RBMS3: variants seen among roughly 807,000 people sequenced by gnomAD.
RBMS3 encodes the protein RNA-binding motif, single-stranded-interacting protein 3.
Under a neutral mutation model 66.8 loss-of-function variants are expected in RBMS3, and 27 were observed. The ratio of observed to expected loss-of-function variants is 0.40; its 90% confidence interval spans 0.30 to 0.56. The LOEUF (loss-of-function observed/expected upper bound fraction) is 0.56. RBMS3 is among the 20% of genes least tolerant of loss of function. The pLI is 0.40. For missense variants in RBMS3, 513 were observed against 549.5 expected, an observed-to-expected ratio of 0.93 and a Z score of 0.66; for synonymous variants, 188 against 183.0, an observed-to-expected ratio of 1.03 and a Z score of -0.22.
rs562707611 is a variant in RBMS3 at position 29,884,170 on chromosome 3, G to A, written c.753G>A (p.Met251Ile). ...CTTCATCCTATATACAGGCTGGCAT[G>A]GCTTTGACCTATGACCCCACAGCTG... ...RPWPREGEAGMALTYDPTAAI... is the reference protein window; with the variant it reads ...RPWPREGEAGIALTYDPTAAI... The change falls in exon 8 of 15, where the codon ATG (methionine) becomes ATA (isoleucine). Residue 251 changes from methionine (M) to isoleucine (I), a missense_variant. Met to Ile is a conservative substitution (Grantham distance 10, BLOSUM62 1). Coordinates refer to ENST00000383767, the MANE Select transcript of RBMS3 (RefSeq NM_001003793.3). 1 of 1,611,892 alleles carries A rather than the reference G, an allele frequency of 6.2e-7. No individual in the cohort carries two copies.
chr3:29,877,107 T>C (rs992856500), intron 7 of RBMS3, among the ~76,000 whole-genome samples: 2 of 152,218 alleles, frequency 1.3e-5, no homozygotes, highest in Non-Finnish European at 2.9e-5. Context: ...TAATCATGCA[T>C]TGAACTTACT....
intron 4 of RBMS3, among the ~76,000 whole-genome samples, chr3:29,672,030 C>A (rs1261330544): frequency 6.6e-6 from 1 of 152,094 alleles, no homozygotes; most frequent in Non-Finnish European, 1.5e-5. Context: ...TAAGGGCAGC[C>A]AGAGAGAAAG....
At chr3:29,351,597 G>GT (rs1028488589) in intron 1 of RBMS3, among the ~76,000 whole-genome samples, 4 of 151,566 alleles carry the variant, frequency 2.6e-5, no homozygotes, top group African/African-American at 4.8e-5. Context: ...ACTTTTTTGA[G>GT]TTTTTTTTAG....
At chr3:29,475,234 T>A (rs2042902211) in intron 2 of RBMS3, among the ~76,000 whole-genome samples, 1 of 151,878 alleles carries the variant, frequency 6.6e-6, no homozygotes, top group Non-Finnish European at 1.5e-5. Context: ...TTGGCTTTAA[T>A]AAGTTTCTTT....
At chr3:29,469,622 A>G (rs1328297626) in intron 2 of RBMS3, among the ~76,000 whole-genome samples, 1 of 151,782 alleles carries the variant, frequency 6.6e-6, no homozygotes, top group Non-Finnish European at 1.5e-5. Context: ...TATGTAAGCT[A>G]TGGCTCATTT....
chr3:29,510,281 T>C (rs1001698226), intron 3 of RBMS3, among the ~76,000 whole-genome samples: 1 of 152,214 alleles, frequency 6.6e-6, no homozygotes, highest in African/African-American at 2.4e-5. Context: ...ATATGTATCT[T>C]TGACACCAAG....
intron 4 of RBMS3, among the ~76,000 whole-genome samples, chr3:29,704,725 G>A (rs80051857): frequency 0.028 from 4,253 of 152,278 alleles, 85 homozygotes; most frequent in Admixed American, 0.064. Context: ...TTGAATTGCT[G>A]TGTTGATTTC....
At chr3:29,907,287 T>A (rs1287447385) in intron 10 of RBMS3, among the ~76,000 whole-genome samples, 1 of 152,178 alleles carries the variant, frequency 6.6e-6, no homozygotes, top group African/African-American at 2.4e-5. Flanking sequence ...TAATTCATTC[T>A]CAGCTTTTCC....
intron 4 of RBMS3, among the ~76,000 whole-genome samples, chr3:29,632,466 A>G (rs1400861893): frequency 6.6e-6 from 1 of 151,928 alleles, no homozygotes; most frequent in Non-Finnish European, 1.5e-5. Flanking sequence ...TTGAAATTCT[A>G]GAAAGTTTTA....
chr3:29,711,536 A>C (rs1322042340), intron 4 of RBMS3, among the ~76,000 whole-genome samples: 1 of 152,092 alleles, frequency 6.6e-6, no homozygotes, highest in African/African-American at 2.4e-5. Context: ...GAAATTTAGA[A>C]CTTGAAGGGA....
At chr3:29,784,735 A>C (rs1288901832) in intron 6 of RBMS3, among the ~76,000 whole-genome samples, 1 of 152,140 alleles carries the variant, frequency 6.6e-6, no homozygotes, top group African/African-American at 2.4e-5. Flanking sequence ...AAGATAAATA[A>C]AACAAAAAGC....
intron 3 of RBMS3, 82 bp from the exon 4 acceptor site, chr3:29,587,032 A>G: frequency 9.7e-7 from 1 of 1,031,468 alleles, no homozygotes; most frequent in Non-Finnish European, 1.5e-6. Context: ...ATGCAAGTCT[A>G]TCTGTAAACT....
intron 3 of RBMS3, among the ~76,000 whole-genome samples, chr3:29,505,610 T>A (rs1002894010): frequency 6.6e-6 from 1 of 151,858 alleles, no homozygotes; most frequent in Non-Finnish European, 1.5e-5. Context: ...TTTTTATTTC[T>A]GTGAAAAATG....
intron 4 of RBMS3, among the ~76,000 whole-genome samples, chr3:29,629,560 C>T (rs1023821751): frequency 6.6e-6 from 1 of 151,988 alleles, no homozygotes; most frequent in East Asian, 1.9e-4. Flanking sequence ...GGTTACATTT[C>T]AAGATAATGA....
intron 4 of RBMS3, among the ~76,000 whole-genome samples, chr3:29,680,145 G>T (rs760297658): frequency 1.3e-5 from 2 of 152,076 alleles, no homozygotes; most frequent in Non-Finnish European, 2.9e-5. Context: ...CCCCAGTGTC[G>T]ATTTGACAGA....
intron 1 of RBMS3, among the ~76,000 whole-genome samples, chr3:29,290,955 G>A (rs2032758854): frequency 6.6e-6 from 1 of 151,738 alleles, no homozygotes; most frequent in South Asian, 2.1e-4. Context: ...TTATAATTTT[G>A]CTCCTGAAAC....
chr3:29,761,410 G>T (rs2055682068), intron 5 of RBMS3, among the ~76,000 whole-genome samples: 1 of 152,026 alleles, frequency 6.6e-6, no homozygotes, highest in African/African-American at 2.4e-5. Context: ...TAATTTTTAA[G>T]AATTTCCCGG....
intron 1 of RBMS3, among the ~76,000 whole-genome samples, chr3:29,359,432 G>T (rs9813720): frequency 0.07 from 10,706 of 152,222 alleles, 624 homozygotes; most frequent in African/African-American, 0.16. Flanking sequence ...TTGATGTGTT[G>T]CTGGATTCGG....
chr3:29,551,231 AT>A (rs1025971492), intron 3 of RBMS3, among the ~76,000 whole-genome samples: 1 of 152,176 alleles, frequency 6.6e-6, no homozygotes, highest in African/African-American at 2.4e-5. Context: ...TGACATATAG[AT>A]CTTTTGAGAT....
Sources: gnomAD v4.1 joint callset for allele counts (sites outside exome capture counted in the v4.1 genomes callset) on GRCh38, gnomAD v4.1.1 for gene constraint, MANE v1.5 for transcripts, NCBI Gene and HGNC (gene_info 2026-07-23, HGNC 2026-07-21) for gene names.